PPM1E: variants seen among roughly 807,000 people sequenced by gnomAD.
PPM1E encodes protein phosphatase, Mg2+/Mn2+ dependent 1E.
In PPM1E, 20 loss-of-function variants were observed where a neutral mutation model predicts 65.9. That is an observed-to-expected ratio of 0.30 (90% CI 0.21 to 0.44). PPM1E has a LOEUF of 0.44. PPM1E is among the 20% of genes least tolerant of loss of function. The pLI is 1.00. For missense variants in PPM1E, 713 were observed against 953.1 expected (o/e 0.75, Z 3.32); for synonymous variants, 352 against 374.9 (o/e 0.94, Z 0.70).
At chr17:58,789,285 A>G (rs1824490654) in intron 1 of PPM1E, among the ~76,000 whole-genome samples, 2 of 151,878 alleles carry the variant, frequency 1.3e-5, no homozygotes, top group Admixed American at 6.6e-5. Context: ...ATCAAATAGC[A>G]CCTCTTTAGG....
At chr17:58,894,323 CAA>C (rs1290727661) in intron 1 of PPM1E, among the ~76,000 whole-genome samples, 3 of 151,988 alleles carry the variant, frequency 2.0e-5, no homozygotes, top group African/African-American at 4.8e-5. Flanking sequence ...AAAATTGATT[CAA>C]GAGGCAAATT....
intron 1 of PPM1E, among the ~76,000 whole-genome samples, chr17:58,941,116 G>A (rs1022771185): frequency 1.3e-5 from 2 of 152,180 alleles, no homozygotes; most frequent in Non-Finnish European, 2.9e-5. Flanking sequence ...GTTAATCAGA[G>A]TAAGACATGA....
At chr17:58,775,710 C>A (rs28608890) in intron 1 of PPM1E, among the ~76,000 whole-genome samples, 1 of 149,980 alleles carries the variant, frequency 6.7e-6, no homozygotes, top group African/African-American at 2.5e-5. Context: ...GTCAGGAGAT[C>A]AAGACCATCC....
chr17:58,759,256 A>G (rs2049799828), intron 1 of PPM1E, among the ~76,000 whole-genome samples: 1 of 149,892 alleles, frequency 6.7e-6, no homozygotes, highest in Admixed American at 6.7e-5. Context: ...ACGTTGTCTC[A>G]AAAAAAAAAG....
chr17:58,906,745 C>T (rs748167352), intron 1 of PPM1E, among the ~76,000 whole-genome samples: 37 of 151,746 alleles, frequency 2.4e-4, no homozygotes, highest in Admixed American at 9.2e-4. Flanking sequence ...CTTCTTTTTC[C>T]AGTTTCCTAA....
At chr17:58,973,242 C>T (rs144304610) in intron 6 of PPM1E, among the ~76,000 whole-genome samples, 1,732 of 151,154 alleles carry the variant, frequency 0.011, 14 homozygotes, top group Middle Eastern at 0.041. Flanking sequence ...ATAGTGAAAC[C>T]CCATCTCTAT....
At chr17:58,960,542 A>G (rs1014905856) in intron 2 of PPM1E, among the ~76,000 whole-genome samples, 1 of 152,072 alleles carries the variant, frequency 6.6e-6, no homozygotes, top group African/African-American at 2.4e-5. Flanking sequence ...TGGGAGGCCA[A>G]GGAGGGTACA....
In PPM1E at chr17:58,965,891, G is replaced by C. The variant is rs1222139617; in HGVS notation, c.781G>C (p.Glu261Gln). The change falls in exon 3 of 7, where the codon GAG becomes CAG. Residue 261 changes from glutamate to glutamine, a missense_variant and splice_region_variant. By Grantham distance (29) the Glu-to-Gln change is conservative. This residue lies in a region of PPM1E where 25 missense variants were observed against 73.9 expected (regional missense o/e 0.34). Coordinates refer to ENST00000308249, the MANE Select transcript of PPM1E (RefSeq NM_014906.5). ...TGACTTTAATATGCTCTTCAACCTA[G>C]AGGTAAAGGGCACTTTCGGAGAGTC... ...IPDFNMLFNL[E>Q]DQEEQAYFAV... The C allele has an allele frequency of 6.2e-7, 1 of 1,613,778 alleles. No individual in the cohort carries two copies. The highest frequency in any genetic ancestry group is 2.2e-5 in the East Asian group (1 of 44,892).
At chr17:58,790,403 A>G (rs1222270281) in intron 1 of PPM1E, among the ~76,000 whole-genome samples, 1 of 152,092 alleles carries the variant, frequency 6.6e-6, no homozygotes, top group Non-Finnish European at 1.5e-5. Flanking sequence ...CAGGTATTAA[A>G]CAAATACATG....
chr17:58,899,586 GA>G, intron 1 of PPM1E: 1 of 222,408 alleles, frequency 4.5e-6, no homozygotes, highest in South Asian at 7.5e-5. Context: ...ACAGAGGGGG[GA>G]AAACCCTGTA....
chr17:58,860,709 C>T (rs1397600278), intron 1 of PPM1E, among the ~76,000 whole-genome samples: 7 of 152,130 alleles, frequency 4.6e-5, no homozygotes, highest in South Asian at 2.1e-4. Flanking sequence ...TTTGGGAGGC[C>T]GAGGCGGGCA....
intron 1 of PPM1E, among the ~76,000 whole-genome samples, chr17:58,802,364 G>T (rs954289651): frequency 6.6e-6 from 1 of 151,994 alleles, no homozygotes; most frequent in African/African-American, 2.4e-5. Context: ...TTCTTTCTGG[G>T]CTTTCTATTC....
At chr17:58,758,582 A>G (rs1264187171) in intron 1 of PPM1E, among the ~76,000 whole-genome samples, 2 of 152,168 alleles carry the variant, frequency 1.3e-5, no homozygotes, top group African/African-American at 4.8e-5. Flanking sequence ...AAAAACTGAA[A>G]TGATAAAATG....
chr17:58,909,219 A>G (rs1212323780), intron 1 of PPM1E, among the ~76,000 whole-genome samples: 1 of 151,952 alleles, frequency 6.6e-6, no homozygotes, highest in Non-Finnish European at 1.5e-5. Flanking sequence ...TGTCTGAGAA[A>G]GTCTTTATTT....
At chr17:58,895,176 C>T (rs1367946259) in intron 1 of PPM1E, among the ~76,000 whole-genome samples, 5 of 152,186 alleles carry the variant, frequency 3.3e-5, no homozygotes, top group Non-Finnish European at 2.9e-5. Flanking sequence ...TATAAGACAG[C>T]GAACTTAATA....
chr17:58,756,603 C>G (rs1008783287), intron 1 of PPM1E, 142 bp downstream of exon 1: 4 of 1,057,118 alleles, frequency 3.8e-6, no homozygotes, highest in African/African-American at 1.7e-5. Context: ...AAAGCGCCCC[C>G]GCTGCTCGGA....
chr17:58,948,789 ATGT>A (rs1378468063), intron 1 of PPM1E, among the ~76,000 whole-genome samples: 1 of 152,114 alleles, frequency 6.6e-6, no homozygotes, highest in African/African-American at 2.4e-5. Flanking sequence ...GTTTAGGAGC[ATGT>A]TGTGTAATTT....
At chr17:58,941,658 A>C (rs1323670985) in intron 1 of PPM1E, among the ~76,000 whole-genome samples, 18 of 131,358 alleles carry the variant, frequency 1.4e-4, no homozygotes, top group African/African-American at 4.7e-4. Context: ...ATGTCACTGC[A>C]CTCCAGCCTG....
At position 58,975,725 on chromosome 17, in the gene PPM1E, G is replaced by A. The variant is rs114426924; in HGVS notation, c.1210+2800G>A. On this transcript the variant is annotated intron_variant, in intron 6 of 6. Transcript: ENST00000308249. ...CCAGATTGCAAAGGGCCTTATGTGC[G>A]AGGCTAAGTAGTCTGGACTTTACCA... Among the ~76,000 whole-genome samples, 1,183 of 152,290 alleles carry A rather than the reference G, an allele frequency of 7.8e-3. 15 individuals are homozygous for A. The highest frequency in any genetic ancestry group is 0.026 in the African/African-American group (1,099 of 41,544).
Sources: allele counts gnomAD v4.1 joint callset (sites outside exome capture counted in the v4.1 genomes callset), GRCh38; gene constraint gnomAD v4.1.1; regional missense constraint gnomAD v4.1.1; transcripts MANE v1.5; gene names NCBI Gene and HGNC (gene_info 2026-07-23, HGNC 2026-07-21).